The following SOX6 variants were observed in gnomAD, a reference collection of about 807,000 sequenced individuals.
SOX6 encodes SRY-box transcription factor 6.
SOX6 carries 11 observed loss-of-function variants against 97.8 expected under a neutral mutation model. That is an observed-to-expected ratio of 0.11 (90% CI 0.07 to 0.19). SOX6 has a LOEUF of 0.19. Among genes scored for constraint, SOX6 ranks in the 10% least tolerant of loss-of-function variants. SOX6 has a pLI of 1.00. For synonymous variants in SOX6, 360 were observed against 371.4 expected (o/e 0.97, Z 0.35); for missense variants, 810 against 1,039.5 (o/e 0.78, Z 3.04).
At position 15,972,762 on chromosome 11, in the gene SOX6, A is replaced by AG. The variant is rs759344656; in HGVS notation, c.*46dup. 2 of 1,597,164 alleles carry AG rather than the reference A, an allele frequency of 1.3e-6. No homozygotes were observed. Among genetic ancestry groups the AG allele is most frequent in the African/African-American group, 2.7e-5 (2 of 74,568 alleles). The stretch of plus-strand genomic sequence containing the variant: ...GCTCTTTAATAACTCTTTGTTGGGG[A>AG]GGGGGGTGAAATGTCAGAGTACTTT... On this transcript the variant is annotated 3_prime_UTR_variant, in exon 16 of 16. Coordinates refer to ENST00000683767, the MANE Select transcript of SOX6 (RefSeq NM_001367873.1).
chr11:16,333,248 G>A (rs1012518350), intron 2 of SOX6, among the ~76,000 whole-genome samples: 1 of 152,154 alleles, frequency 6.6e-6, no homozygotes, highest in Admixed American at 6.6e-5. Context: ...TGCTGATCTA[G>A]AAGGACTTTG....
At chr11:16,406,999 T>C (rs1243262899) in intron 1 of SOX6, among the ~76,000 whole-genome samples, 1 of 152,136 alleles carries the variant, frequency 6.6e-6, no homozygotes. Context: ...ATGTGACCTA[T>C]ACAAGTTCAC....
At chr11:16,429,697 G>A (rs1859230361) in intron 1 of SOX6, among the ~76,000 whole-genome samples, 1 of 152,056 alleles carries the variant, frequency 6.6e-6, no homozygotes, top group Admixed American at 6.6e-5. Context: ...GTAGAAGAAG[G>A]GAGAGGATCA....
At chr11:16,336,814 A>C (rs1183355835) in intron 2 of SOX6, among the ~76,000 whole-genome samples, 1 of 152,120 alleles carries the variant, frequency 6.6e-6, no homozygotes, top group African/African-American at 2.4e-5. Context: ...CTGTTTCTCA[A>C]ACATACAAAC....
At chr11:16,630,533 T>C (rs1452734426) in intron 3 of SOX6, among the ~76,000 whole-genome samples, 1 of 152,158 alleles carries the variant, frequency 6.6e-6, no homozygotes, top group Non-Finnish European at 1.5e-5. Context: ...TGGAGTATGT[T>C]CTACATGCAG....
chr11:16,132,437 GAA>G (rs1347154212), intron 6 of SOX6, among the ~76,000 whole-genome samples: 1 of 65,940 alleles, frequency 1.5e-5, no homozygotes, highest in Non-Finnish European at 2.9e-5. Context: ...AAGAAAGAAA[GAA>G]AGAAAAAAGA....
At chr11:16,460,211 T>G (rs544000308) in intron 1 of SOX6, among the ~76,000 whole-genome samples, 1 of 152,070 alleles carries the variant, frequency 6.6e-6, no homozygotes, top group Non-Finnish European at 1.5e-5. Flanking sequence ...GAAATTACTA[T>G]ACTTAGTGGA....
intron 4 of SOX6, among the ~76,000 whole-genome samples, chr11:16,541,170 C>A (rs1861402179): frequency 6.6e-6 from 1 of 152,100 alleles, no homozygotes; most frequent in Non-Finnish European, 1.5e-5. Context: ...TAACACCACA[C>A]ATCTACAGCC....
intron 4 of SOX6, among the ~76,000 whole-genome samples, chr11:16,225,784 C>T (rs920929785): frequency 2.0e-5 from 3 of 152,088 alleles, no homozygotes; most frequent in African/African-American, 4.8e-5. Flanking sequence ...TGCACTCCTC[C>T]GAAGATTTAT....
intron 12 of SOX6, among the ~76,000 whole-genome samples, chr11:16,018,098 G>A (rs1050320669): frequency 1.3e-5 from 2 of 152,058 alleles, no homozygotes; most frequent in South Asian, 4.1e-4. Context: ...GATGTATGAG[G>A]TAGATGTTGC....
chr11:16,487,485 A>G (rs1211938535), intron 4 of SOX6, among the ~76,000 whole-genome samples: 1 of 152,218 alleles, frequency 6.6e-6, no homozygotes, highest in East Asian at 1.9e-4. Context: ...GTGCACTATC[A>G]TATCCAGAAA....
At chr11:16,639,738 A>G (rs10766336) in intron 3 of SOX6, among the ~76,000 whole-genome samples, 151,340 of 152,238 alleles carry the variant, frequency 0.99, 75,233 homozygotes, top group East Asian at 1. Flanking sequence ...GTGTATGCTT[A>G]TGATTTTTGC....
intron 4 of SOX6, among the ~76,000 whole-genome samples, chr11:16,214,746 ATTTTT>A (rs368038119): frequency 5.2e-4 from 68 of 131,208 alleles, no homozygotes; most frequent in African/African-American, 1.9e-3. Context: ...ACTGGAACCA[ATTTTT>A]TTTTTTTTTT....
At chr11:16,374,583 G>C (rs1857592956) in intron 1 of SOX6, among the ~76,000 whole-genome samples, 1 of 151,976 alleles carries the variant, frequency 6.6e-6, no homozygotes, top group Non-Finnish European at 1.5e-5. Flanking sequence ...CACCCTAAGA[G>C]TGTTATTTAA....
Position 15,971,846 on chromosome 11 carries a change from T to C in SOX6, c.*963A>G, listed in dbSNP as rs1358108190. 1 of 152,576 alleles carries C rather than the reference T, an allele frequency of 6.6e-6. No homozygotes were observed. Among genetic ancestry groups the C allele is most frequent in the East Asian group, 1.9e-4 (1 of 5,198 alleles). 9.5% of individuals were successfully genotyped at this position (152,576 alleles called of 1,614,324 possible). On this transcript the variant is annotated 3_prime_UTR_variant, in exon 16 of 16. Coordinates refer to ENST00000683767, the MANE Select transcript of SOX6 (RefSeq NM_001367873.1). ...AAAAAAATAAATAGCAAGTGGACCC[T>C]TGACATTCTGGAATGAATAAATTAT... is the stretch of plus-strand genomic sequence containing the variant.
At chr11:16,565,813 T>C (rs1847867428) in intron 4 of SOX6, among the ~76,000 whole-genome samples, 1 of 149,614 alleles carries the variant, frequency 6.7e-6, no homozygotes, top group Admixed American at 6.6e-5. Context: ...ATAGACCACA[T>C]AGGCCGGGCG....
chr11:16,484,754 G>T (rs139222521), intron 4 of SOX6: 3 of 428,370 alleles, frequency 7.0e-6, no homozygotes, highest in Non-Finnish European at 1.3e-5. Flanking sequence ...GAAATAAGTT[G>T]CATCATCAAA....
At chr11:16,572,343 T>C (rs1456907074) in intron 4 of SOX6, among the ~76,000 whole-genome samples, 3 of 152,200 alleles carry the variant, frequency 2.0e-5, no homozygotes, top group African/African-American at 7.2e-5. Context: ...TTTTCATGAA[T>C]ATGTCATAGT....
chr11:16,433,657 C>G (rs1161918730), intron 1 of SOX6, among the ~76,000 whole-genome samples: 1 of 151,946 alleles, frequency 6.6e-6, no homozygotes, highest in Non-Finnish European at 1.5e-5. Flanking sequence ...TTTAACCCAT[C>G]CCTCAAACTC....
Sources: allele counts gnomAD v4.1 joint callset (sites outside exome capture counted in the v4.1 genomes callset), GRCh38; gene constraint gnomAD v4.1.1; transcripts MANE v1.5; gene names NCBI Gene and HGNC (gene_info 2026-07-23, HGNC 2026-07-21).